Variants in CPA6 observed in about 807,000 individuals in gnomAD.
The protein encoded by CPA6 is carboxypeptidase A6.
In CPA6, 58 loss-of-function variants were observed where a neutral mutation model predicts 63.3. The observed-to-expected ratio is 0.92, with a 90% confidence interval of 0.74 to 1.14. The LOEUF (loss-of-function observed/expected upper bound fraction) is 1.14. Among genes scored for constraint, CPA6 ranks in the 50% most tolerant of loss-of-function variants. The probability of loss-of-function intolerance (pLI) is 0.00; values close to 1 mark genes in which losing one functional copy is unlikely to be tolerated. For missense variants in CPA6, 565 were observed against 526.6 expected, an observed-to-expected ratio of 1.07 and a Z score of -0.71; for synonymous variants, 185 against 179.0, an observed-to-expected ratio of 1.03 and a Z score of -0.27.
chr8:67,542,100 G>T (rs1244064765), intron 2 of CPA6, among the ~76,000 whole-genome samples: 1 of 152,128 alleles, frequency 6.6e-6, no homozygotes, highest in Non-Finnish European at 1.5e-5. Context: ...TTAAGATTTC[G>T]GCACCTATTA....
At chr8:67,698,201 A>G (rs1167863051) in intron 1 of CPA6, among the ~76,000 whole-genome samples, 2 of 152,208 alleles carry the variant, frequency 1.3e-5, no homozygotes, top group Non-Finnish European at 2.9e-5. Flanking sequence ...CTTCCCTCTT[A>G]TGTCTGTCCA....
At chr8:67,438,748 G>A (rs1810220346) in intron 8 of CPA6, among the ~76,000 whole-genome samples, 1 of 126,966 alleles carries the variant, frequency 7.9e-6, no homozygotes, top group Admixed American at 7.6e-5. Flanking sequence ...TCAAATCCTA[G>A]GAGACAACAA....
At chr8:67,563,768 A>G (rs1813271241) in intron 2 of CPA6, among the ~76,000 whole-genome samples, 1 of 152,178 alleles carries the variant, frequency 6.6e-6, no homozygotes, top group African/African-American at 2.4e-5. Context: ...TAAATCTGCA[A>G]ATCTGCATGT....
intron 2 of CPA6, among the ~76,000 whole-genome samples, chr8:67,523,902 A>G (rs992258463): frequency 6.6e-6 from 1 of 152,232 alleles, no homozygotes; most frequent in African/African-American, 2.4e-5. Context: ...GCACAGAAGC[A>G]CTTTCCTGCT....
intron 1 of CPA6, among the ~76,000 whole-genome samples, chr8:67,691,291 T>C (rs1411390597): frequency 6.6e-6 from 1 of 152,226 alleles, no homozygotes; most frequent in Non-Finnish European, 1.5e-5. Context: ...ACTATCAATA[T>C]CTTTGTGTTC....
chr8:67,648,258 GT>G (rs4009129), intron 1 of CPA6, among the ~76,000 whole-genome samples: 31,542 of 113,688 alleles, frequency 0.28, 3,124 homozygotes, highest in Middle Eastern at 0.39. Context: ...CCTAGATTAG[GT>G]TTTTTTTTTT....
intron 1 of CPA6, among the ~76,000 whole-genome samples, chr8:67,713,139 A>ATATATATATT (rs1375486449): frequency 7.5e-6 from 1 of 133,220 alleles, no homozygotes; most frequent in East Asian, 2.1e-4. Flanking sequence ...ATATATATAT[A>ATATATATATT]TTAACAGGGT....
chr8:67,675,189 A>C lies in CPA6; in HGVS notation c.117-50938T>G, dbSNP rs146920520. 1.5e-3 allele frequency among the ~76,000 whole-genome samples: 227 copies of C among 152,302 alleles called. 1 individual carries two copies. Among genetic ancestry groups the C allele is most frequent in the African/African-American group, 5.3e-3 (222 of 41,570 alleles). ...GGTACTCCCTGTATCTTAAATAAAGAGTTGAAATTCTAAAAAAATCTCCTA... is the reference window on the plus strand; with the variant it reads ...GGTACTCCCTGTATCTTAAATAAAGCGTTGAAATTCTAAAAAAATCTCCTA... On this transcript the variant is annotated intron_variant, in intron 1 of 10. Transcript: ENST00000297770.
At chr8:67,628,049 C>T (rs1164778612) in intron 1 of CPA6, among the ~76,000 whole-genome samples, 1 of 151,994 alleles carries the variant, frequency 6.6e-6, no homozygotes, top group Admixed American at 6.6e-5. Flanking sequence ...CCCATCTCTA[C>T]TAAAAATACA....
intron 8 of CPA6, among the ~76,000 whole-genome samples, chr8:67,464,709 G>C (rs1191650582): frequency 2.6e-5 from 4 of 152,142 alleles, no homozygotes; most frequent in Admixed American, 1.3e-4. Flanking sequence ...TAGAGGTCCA[G>C]TTTCATTCTT....
chr8:67,733,772 C>T (rs1000411984), intron 1 of CPA6, among the ~76,000 whole-genome samples: 2 of 137,836 alleles, frequency 1.5e-5, no homozygotes, highest in African/African-American at 5.3e-5. Context: ...GCGGTGGGGG[C>T]GGGATCAGGA....
At chr8:67,439,079 G>A (rs1166730516) in intron 8 of CPA6, among the ~76,000 whole-genome samples, 1 of 151,868 alleles carries the variant, frequency 6.6e-6, no homozygotes. Context: ...AGGATTGCTT[G>A]AGGCCAGGAG....
chr8:67,744,528 A>G (rs1817971771), intron 1 of CPA6, among the ~76,000 whole-genome samples: 1 of 152,148 alleles, frequency 6.6e-6, no homozygotes, highest in Non-Finnish European at 1.5e-5. Flanking sequence ...GGAGTGCCAC[A>G]CGCTGAAATA....
intron 1 of CPA6, 39 bp downstream of exon 1, chr8:67,745,975 A>C: frequency 6.6e-7 from 1 of 1,512,132 alleles, no homozygotes; most frequent in Non-Finnish European, 9.1e-7. Flanking sequence ...CCCAGATCCA[A>C]ATCAAAGCTG....
At chr8:67,587,802 C>T (rs1425054149) in intron 2 of CPA6, among the ~76,000 whole-genome samples, 3 of 152,052 alleles carry the variant, frequency 2.0e-5, no homozygotes, top group Non-Finnish European at 4.4e-5. Flanking sequence ...ATGGTGAATT[C>T]GAGGATGGTT....
At chr8:67,581,478 T>A (rs563141032) in intron 2 of CPA6, among the ~76,000 whole-genome samples, 2 of 152,270 alleles carry the variant, frequency 1.3e-5, no homozygotes, top group South Asian at 4.1e-4. Context: ...CAGCTTTGGG[T>A]GTTAACGGTG....
intron 1 of CPA6, among the ~76,000 whole-genome samples, chr8:67,642,748 C>A (rs555048792): frequency 8.5e-4 from 128 of 150,426 alleles, no homozygotes; most frequent in African/African-American, 3.0e-3. Flanking sequence ...AGAACTGGAA[C>A]AACTACTTAT....
chr8:67,547,566 T>C (rs929482975), intron 2 of CPA6, among the ~76,000 whole-genome samples: 1 of 151,728 alleles, frequency 6.6e-6, no homozygotes, highest in Non-Finnish European at 1.5e-5. Context: ...GGTGCGATAA[T>C]GGCTCACTGC....
chr8:67,631,952 A>G (rs1266737389), intron 1 of CPA6, among the ~76,000 whole-genome samples: 1 of 152,164 alleles, frequency 6.6e-6, no homozygotes, highest in Non-Finnish European at 1.5e-5. Context: ...TCCGAACATC[A>G]GAAGGAACAA....
Sources: allele counts gnomAD v4.1 joint callset (sites outside exome capture counted in the v4.1 genomes callset), GRCh38; gene constraint gnomAD v4.1.1; transcripts MANE v1.5; gene names NCBI Gene and HGNC (gene_info 2026-07-23, HGNC 2026-07-21).